RTN4RL1: variants seen among roughly 807,000 people sequenced by gnomAD.
The protein encoded by RTN4RL1 is reticulon 4 receptor like 1.
A neutral mutation model predicts 25.6 loss-of-function variants in RTN4RL1; 7 were observed. That is an observed-to-expected ratio of 0.27 (90% confidence interval 0.16 to 0.51). RTN4RL1 has a LOEUF of 0.51. Among genes scored for constraint, RTN4RL1 ranks in the 20% least tolerant of loss-of-function variants. The pLI is 0.97. For synonymous variants in RTN4RL1, 297 were observed against 288.2 expected, an observed-to-expected ratio of 1.03 and a Z score of -0.31; for missense variants, 500 against 615.6, an observed-to-expected ratio of 0.81 and a Z score of 1.99.
Position 1,936,862 on chromosome 17 carries a change from G to A in RTN4RL1, c.960C>T (p.Thr320=), listed in dbSNP as rs1256670490. Residue 320 remains threonine, a synonymous_variant, in exon 2 of 2, where the codon ACC becomes ACT. Coordinates refer to ENST00000331238, the MANE Select transcript of RTN4RL1 (RefSeq NM_178568.4). ...GTTCCTTGCGGGCGGCCCTGTCGGT[G>A]GTGGTGAGCGTGTGTGACTTGATCT... is the stretch of plus-strand genomic sequence containing the variant. ...PHQIKSHTLT[T]TDRAARKEHH... The A allele has an allele frequency of 6.3e-7, 1 of 1,593,424 alleles. No homozygotes were observed. Among genetic ancestry groups the A allele is most frequent in the Non-Finnish European group, 8.5e-7 (1 of 1,169,680 alleles).
chr17:1,961,945 C>G (rs1597496747), intron 1 of RTN4RL1, among the ~76,000 whole-genome samples: 1 of 94,672 alleles, frequency 1.1e-5, no homozygotes, highest in East Asian at 2.3e-4. Context: ...GAGACTCTGC[C>G]TCAAAAAAAA....
In RTN4RL1 at chr17:1,988,574, C is replaced by G. The variant is rs374010790; in HGVS notation, c.13+36279G>C. On this transcript the variant is annotated intron_variant, in intron 1 of 1. Coordinates refer to ENST00000331238, the MANE Select transcript of RTN4RL1 (RefSeq NM_178568.4). ...AGTCCTCAATGATGGAACATCCCTC[C>G]CCTCTCCAGAGGTGTCTCTCTCCAC... Among the ~76,000 whole-genome samples the G allele has an allele frequency of 3.3e-5, 5 of 151,978 alleles. No individual in the cohort carries two copies. In the South Asian group the frequency reaches 1.0e-3, roughly 32 times the overall value.
intron 1 of RTN4RL1, among the ~76,000 whole-genome samples, chr17:1,978,639 G>GC (rs1555519218): frequency 5.9e-5 from 9 of 152,068 alleles, no homozygotes; most frequent in East Asian, 1.9e-4. Flanking sequence ...AAAATGGGGG[G>GC]GGTGGAGGGT....
At chr17:1,997,379 C>T (rs2066933913) in intron 1 of RTN4RL1, among the ~76,000 whole-genome samples, 1 of 152,196 alleles carries the variant, frequency 6.6e-6, no homozygotes, top group African/African-American at 2.4e-5. Context: ...GCTCCTCTCC[C>T]GGCCAAGTAC....
chr17:1,988,311 A>G (rs2066895236), intron 1 of RTN4RL1, among the ~76,000 whole-genome samples: 1 of 149,560 alleles, frequency 6.7e-6, no homozygotes, highest in African/African-American at 2.5e-5. Context: ...AGGCTGAGGC[A>G]GGAGAATTGC....
Position 2,009,875 on chromosome 17 carries a change from T to C in RTN4RL1, c.13+14978A>G, listed in dbSNP as rs2067030966. 3.1e-5 allele frequency among the ~76,000 whole-genome samples: 4 copies of C among 128,536 alleles called. 2 individuals carry two copies. In the Admixed American group the frequency reaches 3.3e-4, roughly 10 times the overall value. 84.3% of individuals were successfully genotyped at this position (128,536 alleles called of 152,430 possible). ...AGGCCACAACACAGAATGCCGGCCCTGTCCACAGCCCCAGCCACGGAGACA... is the reference window on the plus strand; with the variant it reads ...AGGCCACAACACAGAATGCCGGCCCCGTCCACAGCCCCAGCCACGGAGACA... On this transcript the variant is annotated intron_variant, in intron 1 of 1. Coordinates refer to ENST00000331238, the MANE Select transcript of RTN4RL1 (RefSeq NM_178568.4).
chr17:1,978,598 AGTCTTGC>A (rs2066853504), intron 1 of RTN4RL1, among the ~76,000 whole-genome samples: 3 of 142,080 alleles, frequency 2.1e-5, no homozygotes, highest in Non-Finnish European at 4.6e-5. Flanking sequence ...ACCTTTAGCC[AGTCTTGC>A]AACCTCTCAG....
At chr17:2,013,483 A>C (rs190518658) in intron 1 of RTN4RL1, among the ~76,000 whole-genome samples, 1 of 152,192 alleles carries the variant, frequency 6.6e-6, no homozygotes, top group Admixed American at 6.5e-5. Flanking sequence ...GAGCAGGCCA[A>C]CTGTGCTGGG....
At position 1,940,622 on chromosome 17, in the gene RTN4RL1, C is replaced by A. The variant is rs149165632; in HGVS notation, c.14-2814G>T. On this transcript the variant is annotated intron_variant, in intron 1 of 1. Coordinates refer to ENST00000331238, the MANE Select transcript of RTN4RL1 (RefSeq NM_178568.4). Reference sequence around the variant, plus strand: ...CAAACCCCACTTGACTTTTGGGAAGCCTGCCCACTGCCTGAACCCTCCACA... The same window carrying A: ...CAAACCCCACTTGACTTTTGGGAAGACTGCCCACTGCCTGAACCCTCCACA... 6.8e-4 allele frequency among the ~76,000 whole-genome samples: 103 copies of A among 152,224 alleles called. No individual in the cohort carries two copies. The East Asian group carries it at 0.019, about 28-fold the overall frequency.
rs551685686 is a variant in RTN4RL1, at chr17:1,956,705, G to A, written c.14-18897C>T. Among the ~76,000 whole-genome samples the A allele has an allele frequency of 9.2e-5, 14 of 151,690 alleles. No homozygotes were observed. In the South Asian group the frequency reaches 2.7e-3, roughly 29 times the overall value. ...GCTGCAGGGGAGCTCAGGGTCTGGGGTGAGGGAAACATCACTGCATACCTG... is the reference window on the plus strand; with the variant it reads ...GCTGCAGGGGAGCTCAGGGTCTGGGATGAGGGAAACATCACTGCATACCTG... On this transcript the variant is annotated intron_variant, in intron 1 of 1. Transcript: ENST00000331238.
intron 1 of RTN4RL1, among the ~76,000 whole-genome samples, chr17:2,021,940 C>T (rs975455979): frequency 2.0e-5 from 3 of 151,024 alleles, no homozygotes; most frequent in African/African-American, 7.3e-5. Flanking sequence ...CCCACTGCAG[C>T]CCCCACCTCT....
chr17:1,984,798 C>T (rs1421117543), intron 1 of RTN4RL1, among the ~76,000 whole-genome samples: 1 of 152,096 alleles, frequency 6.6e-6, no homozygotes, highest in African/African-American at 2.4e-5. Context: ...GAAACCCCGT[C>T]TCTACTAAAA....
In RTN4RL1 at chr17:1,998,160, C is replaced by T. The variant is rs2066938466; in HGVS notation, c.13+26693G>A. Among the ~76,000 whole-genome samples the T allele has an allele frequency of 6.6e-6, 1 of 151,984 alleles. No homozygotes were observed. The highest frequency in any genetic ancestry group is 1.5e-5 in the Non-Finnish European group (1 of 67,942). On this transcript the variant is annotated intron_variant, in intron 1 of 1. Coordinates refer to ENST00000331238, the MANE Select transcript of RTN4RL1 (RefSeq NM_178568.4). This position sits in a 1 kb window ranked among gnomAD's most constrained non-coding sequence, Gnocchi z 4.9. ...GGAGGGGGCGGGGAGGCCTCCTTGG[C>T]TCCCTGGCCCGGATTAAATATTTAC...
intron 1 of RTN4RL1, among the ~76,000 whole-genome samples, chr17:1,957,446 G>A (rs1381042224): frequency 1.3e-5 from 2 of 152,174 alleles, no homozygotes; most frequent in East Asian, 3.9e-4. Flanking sequence ...GCCTACCCAC[G>A]CTGGGGGTGT....
chr17:2,019,658 A>G (rs1426096216), intron 1 of RTN4RL1: 1 of 152,150 alleles, frequency 6.6e-6, no homozygotes, highest in Non-Finnish European at 1.5e-5. Context: ...CCGGGTCTCT[A>G]CCTGGTCTCC....
intron 1 of RTN4RL1, among the ~76,000 whole-genome samples, chr17:1,958,528 C>A (rs978867897): frequency 1.3e-5 from 2 of 152,210 alleles, no homozygotes; most frequent in African/African-American, 4.8e-5. Context: ...CTGTGTAATA[C>A]CATCATCGGT....
At chr17:1,961,740 C>T (rs964914602) in intron 1 of RTN4RL1, among the ~76,000 whole-genome samples, 2 of 121,778 alleles carry the variant, frequency 1.6e-5, no homozygotes, top group African/African-American at 3.2e-5. Flanking sequence ...CCAGCCTGGC[C>T]AACATGGTGA....
At chr17:1,987,605 T>C (rs1306223146) in intron 1 of RTN4RL1, among the ~76,000 whole-genome samples, 1 of 152,026 alleles carries the variant, frequency 6.6e-6, no homozygotes, top group Non-Finnish European at 1.5e-5. Flanking sequence ...ACCCTTCAGG[T>C]CCCCAGGTCT....
At chr17:2,001,572 C>G (rs892295041) in intron 1 of RTN4RL1, 1 of 152,204 alleles carries the variant, frequency 6.6e-6, no homozygotes, top group Non-Finnish European at 1.5e-5. Flanking sequence ...AAGGTAGGCA[C>G]TATTTATATT....
Sources: allele counts gnomAD v4.1 joint callset (sites outside exome capture counted in the v4.1 genomes callset), GRCh38; gene constraint gnomAD v4.1.1; non-coding constraint Gnocchi (gnomAD v3.1); transcripts MANE v1.5; gene names NCBI Gene and HGNC (gene_info 2026-07-23, HGNC 2026-07-21).